The following AHRR variants were observed in gnomAD, a reference collection of about 807,000 sequenced individuals.
AHRR encodes aryl hydrocarbon receptor repressor.
A neutral mutation model predicts 44.0 loss-of-function variants in AHRR; 28 were observed. The observed-to-expected ratio is 0.64, with a 90% CI of 0.47 to 0.87. The LOEUF is 0.87. Among genes scored for constraint, AHRR ranks in the 40% least tolerant of loss-of-function variants. The probability of loss-of-function intolerance (pLI) is 0.00; values close to 1 mark genes in which losing one functional copy is unlikely to be tolerated. For missense variants in AHRR, 990 were observed against 953.9 expected, an observed-to-expected ratio of 1.04 and a Z score of -0.50; for synonymous variants, 434 against 407.0, an observed-to-expected ratio of 1.07 and a Z score of -0.80.
At chr5:428,136 A>G in intron 8 of AHRR, 130 bp downstream of exon 8, 1 of 1,103,326 alleles carries the variant, frequency 9.1e-7, no homozygotes, top group Non-Finnish European at 1.3e-6. Flanking sequence ...TCGTGTCGTA[A>G]AAGTCATTAC....
At chr5:432,193 G>T (rs1183445330) in intron 8 of AHRR, 3 of 427,742 alleles carry the variant, frequency 7.0e-6, no homozygotes, top group Admixed American at 4.0e-5. Context: ...ATCATCCTAT[G>T]ATTTTATCCT....
At position 338,620 on chromosome 5, in the gene AHRR, T is replaced by C. The variant is rs1006221576; in HGVS notation, c.-10-5273T>C. On this transcript the variant is annotated intron_variant, in intron 1 of 10. Coordinates refer to ENST00000684583, the MANE Select transcript of AHRR (RefSeq NM_001377236.1). The surrounding 1 kb of genome is among the most constrained non-coding windows in gnomAD (Gnocchi z 4.1). Reference sequence around the variant, plus strand: ...ACTCTTGGAGGCCAAGGTGGGTGAATTGCTTGAACCCAGGAGTTCAAGGCC... The same window carrying C: ...ACTCTTGGAGGCCAAGGTGGGTGAACTGCTTGAACCCAGGAGTTCAAGGCC... Among the ~76,000 whole-genome samples the C allele has an allele frequency of 5.3e-5, 8 of 152,184 alleles. No individual in the cohort carries two copies. Among genetic ancestry groups the C allele is most frequent in the South Asian group, 2.1e-4 (1 of 4,824 alleles).
In AHRR at chr5:376,620, G is replaced by A; in HGVS notation, c.255G>A (p.Glu85=). 8.3e-7 allele frequency: 1 copy of A among 1,199,868 alleles called. No individual in the cohort carries two copies. The highest frequency in any genetic ancestry group is 1.7e-5 in the South Asian group (1 of 59,028). 74.3% of individuals were successfully genotyped at this position (1,199,868 alleles called of 1,614,324 possible). ...RVKSFFQVVQ[E]QSSRQPAAGA... is the part of the protein sequence containing the mutation. ...TTTCTTCTCTGACAGTCGTGCAGGA[G>A]CAGAGCTCACGGCAGCCTGCGGCCG... The change falls in exon 4 of 11, where the codon GAG becomes GAA. Residue 85 remains glutamate, a synonymous_variant. Coordinates refer to ENST00000684583, the MANE Select transcript of AHRR (RefSeq NM_001377236.1).
chr5:324,021 TTCTC>T (rs923288692), intron 1 of AHRR, among the ~76,000 whole-genome samples: 75 of 132,414 alleles, frequency 5.7e-4, no homozygotes, highest in Admixed American at 2.4e-3. Flanking sequence ...CTTTCTTTCT[TTCTC>T]TCTCTCTCTC....
At chr5:431,209 G>A (rs1406786852) in intron 8 of AHRR, among the ~76,000 whole-genome samples, 1 of 152,066 alleles carries the variant, frequency 6.6e-6, no homozygotes, top group Admixed American at 6.5e-5. Flanking sequence ...GAGCGTAGGT[G>A]TGGGATCACA....
intron 5 of AHRR, among the ~76,000 whole-genome samples, chr5:422,127 G>A (rs1736154435): frequency 6.6e-6 from 1 of 152,190 alleles, no homozygotes; most frequent in Non-Finnish European, 1.5e-5. Flanking sequence ...AGTGGTGACA[G>A]CTGAGTACCC....
At position 370,633 on chromosome 5, in the gene AHRR, C is replaced by T. The variant is rs1391382938; in HGVS notation, c.245-5977C>T. ...GGTGACAGGGGTGGGGTGGACAGCC[C>T]ATGGGAAGGTGTGGGTGATGGGGGG... On this transcript the variant is annotated intron_variant, in intron 3 of 10. Transcript: ENST00000684583. This position sits in a 1 kb window ranked among gnomAD's most constrained non-coding sequence, Gnocchi z 4.5. 6.6e-6 allele frequency among the ~76,000 whole-genome samples: 1 copy of T among 151,828 alleles called. No homozygotes were observed. Among genetic ancestry groups the T allele is most frequent in the African/African-American group, 2.4e-5 (1 of 41,326 alleles).
rs1735259353 is a variant in AHRR, at chr5:406,303, C to T, written c.352-7041C>T. On this transcript the variant is annotated intron_variant, in intron 4 of 10. Transcript: ENST00000684583. This position sits in a 1 kb window ranked among gnomAD's most constrained non-coding sequence, Gnocchi z 4.7. ...TTGCAGGAACATGGAGGGACCGGAA[C>T]ATGGAGGGACCAGTCCAGAATGGCC... is the stretch of plus-strand genomic sequence containing the variant. Among the ~76,000 whole-genome samples the T allele has an allele frequency of 6.6e-6, 1 of 152,208 alleles. No individual in the cohort carries two copies. Among genetic ancestry groups the T allele is most frequent in the South Asian group, 2.1e-4 (1 of 4,834 alleles).
Position 434,502 on chromosome 5 carries a change from G to T in AHRR, c.1762G>T (p.Gly588Trp), listed in dbSNP as rs1286342754. The change falls in exon 11 of 11, where the codon GGG (glycine) becomes TGG (tryptophan). Residue 588 changes from glycine to tryptophan, a missense_variant. Transcript: ENST00000684583. ...GCAACAGGTGTACATCTCGCACCTGGGGCACGGCGTGCGGGGGGCTCAGCC... is the reference window on the plus strand; with the variant it reads ...GCAACAGGTGTACATCTCGCACCTGTGGCACGGCGTGCGGGGGGCTCAGCC... The part of the protein sequence containing the change: ...SRQQVYISHL[G>W]HGVRGAQPHG... 1.2e-6 allele frequency: 2 copies of T among 1,613,002 alleles called. No individual in the cohort carries two copies. The highest frequency in any genetic ancestry group is 2.7e-5 in the African/African-American group (2 of 75,054).
rs1742211378 is a variant in AHRR, at chr5:338,206, G to A, written c.-10-5687G>A. Among the ~76,000 whole-genome samples, 1 of 152,166 alleles carries A rather than the reference G, an allele frequency of 6.6e-6. No individual in the cohort carries two copies. The highest frequency in any genetic ancestry group is 2.4e-5 in the African/African-American group (1 of 41,452). ...TCTTTTAAAGATATCTAAGCAATAA[G>A]AACAAATTATGCATATTTCACCCTC... On this transcript the variant is annotated intron_variant, in intron 1 of 10. Coordinates refer to ENST00000684583, the MANE Select transcript of AHRR (RefSeq NM_001377236.1). The surrounding 1 kb of genome is among the most constrained non-coding windows in gnomAD (Gnocchi z 4.1).
intron 4 of AHRR, among the ~76,000 whole-genome samples, chr5:409,218 T>C (rs1426588794): frequency 6.6e-6 from 1 of 152,268 alleles, no homozygotes; most frequent in Non-Finnish European, 1.5e-5. Flanking sequence ...TTCTGCAATT[T>C]GTTTATCCAT....
chr5:370,772 G>T lies in AHRR; in HGVS notation c.245-5838G>T, dbSNP rs1230397158. Among the ~76,000 whole-genome samples, 1 of 151,748 alleles carries T rather than the reference G, an allele frequency of 6.6e-6. No homozygotes were observed. The highest frequency in any genetic ancestry group is 2.4e-5 in the African/African-American group (1 of 41,274). On this transcript the variant is annotated intron_variant, in intron 3 of 10. Transcript: ENST00000684583. This position sits in a 1 kb window ranked among gnomAD's most constrained non-coding sequence, Gnocchi z 4.5. Reference sequence around the variant, plus strand: ...TGGGAAGGTGCAGGTGTTGGTGGGGGGAGGGGGGCACGTTCCCATCATGCT... The same window carrying T: ...TGGGAAGGTGCAGGTGTTGGTGGGGTGAGGGGGGCACGTTCCCATCATGCT...
chr5:409,661 T>G (rs1735395443), intron 4 of AHRR, among the ~76,000 whole-genome samples: 1 of 152,230 alleles, frequency 6.6e-6, no homozygotes, highest in South Asian at 2.1e-4. Context: ...AAATTGTTTT[T>G]TTTTTTAATT....
Position 376,329 on chromosome 5 carries a change from G to A in AHRR, c.245-281G>A, listed in dbSNP as rs112669306. ...GAGAGCAGTTTCTGCAGAGCAGAGCGGGTGTGGGGGCGTCCTCAGGCCAGG... is the reference window on the plus strand; with the variant it reads ...GAGAGCAGTTTCTGCAGAGCAGAGCAGGTGTGGGGGCGTCCTCAGGCCAGG... On this transcript the variant is annotated intron_variant, in intron 3 of 10. Transcript: ENST00000684583. Among the ~76,000 whole-genome samples the A allele has an allele frequency of 5.3e-4, 80 of 152,282 alleles. 1 individual carries two copies. The highest frequency in any genetic ancestry group is 1.8e-3 in the African/African-American group (76 of 41,550).
At position 343,948 on chromosome 5, in the gene AHRR, A is replaced by C. The variant is rs1312622681; in HGVS notation, c.46A>C (p.Arg16=). The part of the protein sequence containing the change: ...ECTYAGRKRR[R]PLQKQRPAVG... ...CACGTACGCGGGCCGGAAGCGGAGGAGGCCCCTGCAGAAACAGTAAAGTAT... is the reference window on the plus strand; with the variant it reads ...CACGTACGCGGGCCGGAAGCGGAGGCGGCCCCTGCAGAAACAGTAAAGTAT... Residue 16 remains arginine, a synonymous_variant, in exon 2 of 11, where the codon AGG becomes CGG. Coordinates refer to ENST00000684583, the MANE Select transcript of AHRR (RefSeq NM_001377236.1). The C allele has an allele frequency of 6.3e-7, 1 of 1,599,606 alleles. No individual in the cohort carries two copies. The highest frequency in any genetic ancestry group is 8.5e-7 in the Non-Finnish European group (1 of 1,173,794).
intron 4 of AHRR, among the ~76,000 whole-genome samples, chr5:392,677 C>T (rs537906977): frequency 2.0e-5 from 3 of 152,190 alleles, no homozygotes; most frequent in South Asian, 4.2e-4. Flanking sequence ...AGTGATGTGG[C>T]GGGAAGGCTG....
At chr5:324,710 A>G (rs1741641237) in intron 1 of AHRR, among the ~76,000 whole-genome samples, 1 of 152,094 alleles carries the variant, frequency 6.6e-6, no homozygotes, top group African/African-American at 2.4e-5. Context: ...AATTGCTTGA[A>G]CCTGGGAGGT....
At chr5:417,197 A>C (rs374623245) in intron 5 of AHRR, among the ~76,000 whole-genome samples, 1 of 141,874 alleles carries the variant, frequency 7.0e-6, no homozygotes, top group Non-Finnish European at 1.5e-5. Flanking sequence ...ATGTCTAGAG[A>C]AGGTGGCTTG....
intron 5 of AHRR, among the ~76,000 whole-genome samples, chr5:417,723 T>G (rs573974681): frequency 7.2e-4 from 103 of 143,546 alleles, no homozygotes; most frequent in African/African-American, 2.5e-3. Context: ...TCCCCAAGCA[T>G]GAGAAGTTAA....
Sources: allele counts gnomAD v4.1 joint callset (sites outside exome capture counted in the v4.1 genomes callset), GRCh38; gene constraint gnomAD v4.1.1; non-coding constraint Gnocchi (gnomAD v3.1); transcripts MANE v1.5; gene names NCBI Gene and HGNC (gene_info 2026-07-23, HGNC 2026-07-21).